The following SPECC1L variants were observed in gnomAD, a reference collection of about 807,000 sequenced individuals.
SPECC1L encodes sperm antigen with calponin homology and coiled-coil domains 1 like.
A neutral mutation model predicts 116.8 loss-of-function variants in SPECC1L; 40 were observed. That is an observed-to-expected ratio of 0.34 (90% CI 0.27 to 0.45). The LOEUF (loss-of-function observed/expected upper bound fraction) is 0.45, where lower values mean the gene tolerates loss of function less well. SPECC1L is among the 20% of genes least tolerant of loss of function. The pLI, the probability that SPECC1L is intolerant of heterozygous loss-of-function variation, is 1.00. For synonymous variants in SPECC1L, 504 were observed against 500.6 expected, an observed-to-expected ratio of 1.01 and a Z score of -0.09; for missense variants, 1,110 against 1,373.6, an observed-to-expected ratio of 0.81 and a Z score of 3.03.
At position 24,322,310 on chromosome 22, in the gene SPECC1L, A is replaced by C. The variant is rs767223178; in HGVS notation, c.1330A>C (p.Ile444Leu). The C allele has an allele frequency of 1.9e-6, 3 of 1,614,236 alleles. No homozygotes were observed. In the East Asian group the frequency reaches 6.7e-5, roughly 36 times the overall value. Residue 444 changes from isoleucine (I) to leucine (L), a missense_variant, in exon 5 of 17, where the codon ATT (isoleucine) becomes CTT (leucine). This residue lies in a region of SPECC1L where 575 missense variants were observed against 682.4 expected (regional missense o/e 0.84). Transcript: ENST00000314328. ...CGAAAGGCTTGGAGAAGAGAAGGTT[A>C]TTCTGATGGAGTCTTTATGTCAGCA... is the stretch of plus-strand genomic sequence containing the variant. ...ENERLGEEKV[I>L]LMESLCQQSD...
chr22:24,305,455 G>A (rs2146416029), intron 3 of SPECC1L, among the ~76,000 whole-genome samples: 1 of 152,208 alleles, frequency 6.6e-6, no homozygotes, highest in East Asian at 1.9e-4. Flanking sequence ...ATGTGTGTCT[G>A]GTTTCTTATC....
intron 4 of SPECC1L, 103 bp from the exon 5 acceptor site, chr22:24,321,185 A>G: frequency 7.8e-7 from 1 of 1,286,596 alleles, no homozygotes; most frequent in South Asian, 1.2e-5. Flanking sequence ...CATTGTGTAG[A>G]TCCTGGATTT....
At chr22:24,334,606 A>G (rs201614987) in intron 9 of SPECC1L, 33 bp downstream of exon 9, 2 of 1,611,962 alleles carry the variant, frequency 1.2e-6, no homozygotes, top group Non-Finnish European at 1.7e-6. Flanking sequence ...TGCCTACTGC[A>G]TGCGGTTGTG....
chr22:24,314,953 A>G (rs979364855), intron 4 of SPECC1L, among the ~76,000 whole-genome samples: 2 of 152,186 alleles, frequency 1.3e-5, no homozygotes, highest in African/African-American at 4.8e-5. Flanking sequence ...TTGTTTTTAG[A>G]TTTGATGGAG....
chr22:24,355,370 C>G (rs1241617507), intron 11 of SPECC1L, among the ~76,000 whole-genome samples: 1 of 151,400 alleles, frequency 6.6e-6, no homozygotes, highest in Non-Finnish European at 1.5e-5. Flanking sequence ...TAGTCCCTCT[C>G]TGGATAGAAC....
At chr22:24,375,811 G>T (rs1457990536) in intron 14 of SPECC1L, among the ~76,000 whole-genome samples, 1 of 152,070 alleles carries the variant, frequency 6.6e-6, no homozygotes, top group Non-Finnish European at 1.5e-5. Flanking sequence ...CTAGCCAGGT[G>T]TAGTGGCACA....
intron 1 of SPECC1L, among the ~76,000 whole-genome samples, chr22:24,271,608 T>G (rs2048728770): frequency 6.6e-6 from 1 of 152,256 alleles, no homozygotes; most frequent in Admixed American, 6.5e-5. Flanking sequence ...GGTAATTGTA[T>G]TACCTTAAGT....
At chr22:24,348,122 G>T (rs555504053) in intron 11 of SPECC1L, among the ~76,000 whole-genome samples, 16 of 152,236 alleles carry the variant, frequency 1.1e-4, no homozygotes, top group African/African-American at 3.9e-4. Flanking sequence ...GTTGGGGTGT[G>T]GTGCTGGGAA....
chr22:24,281,958 A>G (rs995999810), intron 2 of SPECC1L, among the ~76,000 whole-genome samples: 32 of 152,226 alleles, frequency 2.1e-4, no homozygotes, highest in East Asian at 7.7e-4. Context: ...TTTTATGATT[A>G]CTCAAATCAG....
intron 12 of SPECC1L, 70 bp downstream of exon 12, chr22:24,363,414 A>C (rs1423623788): frequency 3.7e-6 from 5 of 1,343,748 alleles, no homozygotes; most frequent in Non-Finnish European, 4.3e-6. Context: ...TATGTTGCCC[A>C]GGCTGATCTC....
intron 2 of SPECC1L, among the ~76,000 whole-genome samples, chr22:24,279,270 G>A (rs2048895839): frequency 6.6e-6 from 1 of 152,298 alleles, no homozygotes; most frequent in South Asian, 2.1e-4. Flanking sequence ...TTCCTGCCAG[G>A]GCAGATTGTA....
At position 24,322,626 on chromosome 22, in the gene SPECC1L, A is replaced by G. The variant is rs772584984; in HGVS notation, c.1646A>G (p.Glu549Gly). 1 of 1,614,120 alleles carries G rather than the reference A, an allele frequency of 6.2e-7. No homozygotes were observed. Among genetic ancestry groups the G allele is most frequent in the Non-Finnish European group, 8.5e-7 (1 of 1,179,996 alleles). The change falls in exon 5 of 17, where the codon GAG becomes GGG. Residue 549 changes from glutamate (E) to glycine (G), a missense_variant. By Grantham distance (98) the Glu-to-Gly change is moderately conservative. This residue lies in a region of SPECC1L where 575 missense variants were observed against 682.4 expected (regional missense o/e 0.84). Transcript: ENST00000314328. ...ERSHHMERII[E>G]SEQKGKAALA... ...AGTCACCATATGGAGCGAATTATTGAGTCTGAGCAGAAAGGAAAAGCAGCC... is the reference window on the plus strand; with the variant it reads ...AGTCACCATATGGAGCGAATTATTGGGTCTGAGCAGAAAGGAAAAGCAGCC...
chr22:24,376,782 C>T (rs1014595011), intron 14 of SPECC1L, among the ~76,000 whole-genome samples: 2 of 151,728 alleles, frequency 1.3e-5, no homozygotes, highest in African/African-American at 2.4e-5. Context: ...AGAACTGAAA[C>T]CTCAAGCATA....
At chr22:24,338,889 A>G (rs921478153) in intron 10 of SPECC1L, among the ~76,000 whole-genome samples, 1 of 152,218 alleles carries the variant, frequency 6.6e-6, no homozygotes, top group African/African-American at 2.4e-5. Flanking sequence ...AGGGGTTCAG[A>G]GTTAGGCTGT....
intron 8 of SPECC1L, among the ~76,000 whole-genome samples, chr22:24,332,834 C>G (rs948392994): frequency 1.3e-5 from 2 of 151,964 alleles, no homozygotes; most frequent in African/African-American, 4.8e-5. Context: ...GAAGACAGCT[C>G]TTATAAACAA....
chr22:24,337,699 C>T (rs1170559199), intron 9 of SPECC1L, among the ~76,000 whole-genome samples: 1 of 152,118 alleles, frequency 6.6e-6, no homozygotes, highest in Non-Finnish European at 1.5e-5. Context: ...TTCATCTTTC[C>T]ACACTGTGTG....
At chr22:24,307,842 A>AT (rs35273697) in intron 3 of SPECC1L, among the ~76,000 whole-genome samples, 3,768 of 142,284 alleles carry the variant, frequency 0.026, 173 homozygotes, top group African/African-American at 0.09. Flanking sequence ...CCTGGCCCCT[A>AT]TTTTTTTTTT....
chr22:24,371,348 C>T (rs903618193), intron 14 of SPECC1L, among the ~76,000 whole-genome samples: 2 of 152,084 alleles, frequency 1.3e-5, no homozygotes, highest in African/African-American at 2.4e-5. Context: ...TGTGGTGGCT[C>T]GTGCCTGTAG....
At position 24,321,699 on chromosome 22, in the gene SPECC1L, A is replaced by C; in HGVS notation, c.719A>C (p.Glu240Ala). The change falls in exon 5 of 17, where the codon GAG becomes GCG. Residue 240 changes from glutamate (E) to alanine (A), a missense_variant. Glu to Ala is a moderately radical substitution (Grantham distance 107, BLOSUM62 -1). Coordinates refer to ENST00000314328, the MANE Select transcript of SPECC1L (RefSeq NM_015330.6). ...TIMAHQPTDV[E>A]STLLQLQEQN... Reference sequence around the variant, plus strand: ...ATGGCTCACCAGCCGACTGATGTGGAGTCCACTTTATTGCAGTTGCAGGAA... The same window carrying C: ...ATGGCTCACCAGCCGACTGATGTGGCGTCCACTTTATTGCAGTTGCAGGAA... The C allele has an allele frequency of 5.0e-6, 8 of 1,614,258 alleles. No homozygotes were observed. The highest frequency in any genetic ancestry group is 6.8e-6 in the Non-Finnish European group (8 of 1,180,048).
Sources: gnomAD v4.1 joint callset for allele counts (sites outside exome capture counted in the v4.1 genomes callset) on GRCh38, gnomAD v4.1.1 for gene constraint, gnomAD v4.1.1 regional missense constraint, MANE v1.5 for transcripts, NCBI Gene and HGNC (gene_info 2026-07-23, HGNC 2026-07-21) for gene names.